Variants in AKAP13 observed in about 807,000 individuals in gnomAD.
The protein encoded by AKAP13 is A-kinase anchoring protein 13.
Under a neutral mutation model 264.5 loss-of-function variants are expected in AKAP13, and 80 were observed. The ratio of observed to expected loss-of-function variants is 0.30; its 90% CI spans 0.25 to 0.36. The LOEUF (loss-of-function observed/expected upper bound fraction) is 0.36. Among genes scored for constraint, AKAP13 ranks in the 10% least tolerant of loss-of-function variants. AKAP13 has a pLI of 1.00. For missense variants in AKAP13, 3,712 were observed against 3,435.2 expected (o/e 1.08, Z -2.01); for synonymous variants, 1,380 against 1,250.2 (o/e 1.10, Z -2.19).
chr15:85,410,285 G>A (rs1322998579), intron 1 of AKAP13, among the ~76,000 whole-genome samples: 1 of 151,624 alleles, frequency 6.6e-6, no homozygotes, highest in Non-Finnish European at 1.5e-5. Flanking sequence ...TGTGTACCAT[G>A]TCTTACAGTA....
chr15:85,439,740 T>C (rs1300369085), intron 1 of AKAP13, among the ~76,000 whole-genome samples: 2 of 143,464 alleles, frequency 1.4e-5, no homozygotes, highest in East Asian at 4.2e-4. Context: ...AAACACCGCA[T>C]ATTCTCACTC....
At chr15:85,439,294 GGC>G (rs1567057528) in intron 1 of AKAP13, among the ~76,000 whole-genome samples, 8 of 145,778 alleles carry the variant, frequency 5.5e-5, no homozygotes, top group African/African-American at 2.0e-4. Context: ...CAGTTAGAAT[GGC>G]AATCATTAAA....
At chr15:85,732,741 T>C (rs2088144969) in intron 30 of AKAP13, among the ~76,000 whole-genome samples, 1 of 150,118 alleles carries the variant, frequency 6.7e-6, no homozygotes, top group African/African-American at 2.4e-5. Context: ...TTAGTAATAC[T>C]AATAGTATTA....
At chr15:85,717,130 A>G (rs141818403) in intron 20 of AKAP13, 160 bp from the exon 21 acceptor site, 40 of 542,366 alleles carry the variant, frequency 7.4e-5, no homozygotes, top group African/African-American at 7.1e-4. Context: ...TTACCAGGCC[A>G]TGTGCATGTT....
At chr15:85,742,034 C>CA (rs1012147109) in intron 35 of AKAP13, among the ~76,000 whole-genome samples, 8 of 151,980 alleles carry the variant, frequency 5.3e-5, no homozygotes, top group Admixed American at 6.6e-5. Flanking sequence ...AACTCCGTCT[C>CA]AAAAAAACAC....
At chr15:85,544,319 A>G (rs780081125) in intron 5 of AKAP13, among the ~76,000 whole-genome samples, 2 of 152,234 alleles carry the variant, frequency 1.3e-5, no homozygotes. Flanking sequence ...CAGATTTCCT[A>G]TATCATATAT....
Position 85,655,547 on chromosome 15 carries a change from C to T in AKAP13, c.4505C>T (p.Ser1502Leu). Residue 1502 changes from serine (S) to leucine (L), a missense_variant, in exon 11 of 37, where the codon TCA (serine) becomes TTA (leucine). By Grantham distance (145) the Ser-to-Leu change is moderately radical (BLOSUM62 -2). Coordinates refer to ENST00000394518, the MANE Select transcript of AKAP13 (RefSeq NM_007200.5). ...TCCCAGATTTTAAAGCCAAACAGGT[C>T]AAGAGATCGGCAAAGCCTTGATGGA... ...SLSQILKPNR[S>L]RDRQSLDGFY... 2 of 1,614,186 alleles carry T rather than the reference C, an allele frequency of 1.2e-6. No homozygotes were observed. Among genetic ancestry groups the T allele is most frequent in the Non-Finnish European group, 8.5e-7 (1 of 1,180,036 alleles).
At chr15:85,532,647 T>G (rs1438332005) in intron 3 of AKAP13, among the ~76,000 whole-genome samples, 1 of 152,244 alleles carries the variant, frequency 6.6e-6, no homozygotes, top group African/African-American at 2.4e-5. Context: ...TAGTGTTCAT[T>G]GTGATGAGTA....
At chr15:85,679,655 T>A (rs1490415184) in intron 14 of AKAP13, among the ~76,000 whole-genome samples, 1 of 152,236 alleles carries the variant, frequency 6.6e-6, no homozygotes, top group African/African-American at 2.4e-5. Context: ...CGGAACACAC[T>A]CTGAAAAATA....
chr15:85,409,594 G>A (rs915280427), intron 1 of AKAP13, among the ~76,000 whole-genome samples: 7 of 146,626 alleles, frequency 4.8e-5, no homozygotes, highest in African/African-American at 1.3e-4. Context: ...TTTTCACTCT[G>A]TTGATTATAT....
Position 85,380,803 on chromosome 15 carries a change from G to C in AKAP13, c.-12+5G>C, listed in dbSNP as rs1319216149. 1 of 152,666 alleles carries C rather than the reference G, an allele frequency of 6.6e-6. No individual in the cohort carries two copies. Among genetic ancestry groups the C allele is most frequent in the Non-Finnish European group, 1.5e-5 (1 of 68,152 alleles). 9.5% of individuals were successfully genotyped at this position (152,666 alleles called of 1,614,324 possible). On this transcript the variant is annotated splice_donor_5th_base_variant and intron_variant, in intron 1 of 36. Transcript: ENST00000394518. Reference sequence around the variant, plus strand: ...GGGAGCCCCGGGAGCCGCACGGTGAGAGCGCAACTTAGTTGGCGGAGTTGG... The same window carrying C: ...GGGAGCCCCGGGAGCCGCACGGTGACAGCGCAACTTAGTTGGCGGAGTTGG...
intron 2 of AKAP13, among the ~76,000 whole-genome samples, chr15:85,510,091 C>G (rs755259365): frequency 3.3e-5 from 5 of 152,206 alleles, no homozygotes; most frequent in Admixed American, 6.5e-5. Context: ...CTGGTCCTTG[C>G]TTCTCTTACT....
At chr15:85,439,729 C>T (rs1053036292) in intron 1 of AKAP13, among the ~76,000 whole-genome samples, 187 of 142,198 alleles carry the variant, frequency 1.3e-3, no homozygotes, top group African/African-American at 4.7e-3. Context: ...AACAAAAAAC[C>T]AAACACCGCA....
At chr15:85,484,077 A>G (rs1388708556) in intron 1 of AKAP13, among the ~76,000 whole-genome samples, 1 of 152,154 alleles carries the variant, frequency 6.6e-6, no homozygotes, top group Non-Finnish European at 1.5e-5. Context: ...AGATTGGTCC[A>G]TAAATTTATA....
chr15:85,580,212 A>G lies in AKAP13; in HGVS notation c.2144A>G (p.His715Arg). 1.9e-6 allele frequency: 3 copies of G among 1,614,224 alleles called. No homozygotes were observed. The highest frequency in any genetic ancestry group is 1.1e-5 in the South Asian group (1 of 91,084). ...DASHCEDPQA[H>R]TVTSDPVRDT... The stretch of plus-strand genomic sequence containing the variant: ...TCCCACTGTGAAGACCCACAGGCTC[A>G]TACAGTCACCTCTGACCCTGTAAGG... Residue 715 changes from histidine (H) to arginine (R), a missense_variant, in exon 7 of 37, where the codon CAT becomes CGT. Around this residue, in one of 3 missense-constraint regions of AKAP13, gnomAD observed 2,759 missense variants for 2,411.7 expected, o/e 1.14. Transcript: ENST00000394518.
intron 1 of AKAP13, among the ~76,000 whole-genome samples, chr15:85,394,456 G>C (rs1242806203): frequency 6.6e-6 from 1 of 152,220 alleles, no homozygotes; most frequent in Non-Finnish European, 1.5e-5. Flanking sequence ...GCATTTTGAA[G>C]GCCAGGATGT....
chr15:85,743,826 G>A lies in AKAP13; in HGVS notation c.8392+1G>A. ...AAAACCAGCCGCTCTCAGCCCGGTGGTGAGTCACGCACACCTGCTCTCCCT... is the reference window on the plus strand; with the variant it reads ...AAAACCAGCCGCTCTCAGCCCGGTGATGAGTCACGCACACCTGCTCTCCCT... On this transcript the variant is annotated splice_donor_variant, in intron 36 of 36. Coordinates refer to ENST00000394518, the MANE Select transcript of AKAP13 (RefSeq NM_007200.5). LOFTEE classifies it high-confidence loss of function. 1.2e-6 allele frequency: 2 copies of A among 1,606,786 alleles called. No homozygotes were observed. Among genetic ancestry groups the A allele is most frequent in the South Asian group, 1.1e-5 (1 of 90,312 alleles).
At chr15:85,474,862 G>C (rs994108202) in intron 1 of AKAP13, among the ~76,000 whole-genome samples, 4 of 152,136 alleles carry the variant, frequency 2.6e-5, no homozygotes, top group African/African-American at 9.7e-5. Flanking sequence ...CAAGGTAACT[G>C]ACATTTTTAA....
chr15:85,655,896 A>G, intron 11 of AKAP13, 109 bp downstream of exon 11: 1 of 1,456,856 alleles, frequency 6.9e-7, no homozygotes. Context: ...ATAGTATAGA[A>G]GAAAGAATAT....
Sources: gnomAD v4.1 joint callset for allele counts (sites outside exome capture counted in the v4.1 genomes callset) on GRCh38, gnomAD v4.1.1 for gene constraint, gnomAD v4.1.1 regional missense constraint, MANE v1.5 for transcripts, NCBI Gene and HGNC (gene_info 2026-07-23, HGNC 2026-07-21) for gene names.